Variants in ATP1B1 observed in about 807,000 individuals in gnomAD.
ATP1B1 encodes sodium/potassium-transporting ATPase subunit beta-1.
A neutral mutation model predicts 39.6 loss-of-function variants in ATP1B1; 3 were observed. That is an observed-to-expected ratio of 0.08 (90% confidence interval 0.03 to 0.20). The LOEUF (loss-of-function observed/expected upper bound fraction) is 0.20. Among genes scored for constraint, ATP1B1 ranks in the 10% least tolerant of loss-of-function variants. The probability of loss-of-function intolerance (pLI) is 1.00; values close to 1 mark genes in which losing one functional copy is unlikely to be tolerated. For synonymous variants in ATP1B1, 139 were observed against 135.0 expected (o/e 1.03, Z -0.20); for missense variants, 216 against 371.1 (o/e 0.58, Z 3.43).
Position 169,110,691 on chromosome 1 carries a change from A to T in ATP1B1, c.98-679A>T, listed in dbSNP as rs143933821. On this transcript the variant is annotated intron_variant, in intron 1 of 5. Coordinates refer to ENST00000367815, the MANE Select transcript of ATP1B1 (RefSeq NM_001677.4). ...ATTATTCTTGTTCCAGTTCCAGAAGATGGAATTAAAATGTGCTGGTCATTT... is the reference window on the plus strand; with the variant it reads ...ATTATTCTTGTTCCAGTTCCAGAAGTTGGAATTAAAATGTGCTGGTCATTT... The T allele has an allele frequency of 2.0e-4, 260 of 1,285,540 alleles. 1 individual carries two copies. The East Asian group carries it at 8.1e-3, about 40-fold the overall frequency. 79.6% of individuals were successfully genotyped at this position (1,285,540 alleles called of 1,614,324 possible).
Position 169,106,810 on chromosome 1 carries a change from G to A in ATP1B1, c.-20G>A. 1 of 1,565,460 alleles carries A rather than the reference G, an allele frequency of 6.4e-7. No homozygotes were observed. Among genetic ancestry groups the A allele is most frequent in the East Asian group, 2.6e-5 (1 of 39,098 alleles). ...GCCACCCACCCTCCGGACCGCGGCA[G>A]CTGCTGACCCGCCATCGCCATGGCC... On this transcript the variant is annotated 5_prime_UTR_variant, in exon 1 of 6. Transcript: ENST00000367815.
At chr1:169,116,584 C>G (rs1410155042) in intron 2 of ATP1B1, among the ~76,000 whole-genome samples, 3 of 152,158 alleles carry the variant, frequency 2.0e-5, no homozygotes, top group Non-Finnish European at 1.5e-5. Context: ...GGCGCAGTGG[C>G]TCATACCTGT....
rs1255481007 is a variant in ATP1B1 at position 169,106,887 on chromosome 1, GAGA to G, written c.64_66del (p.Lys22del). ...CTGGAAGAAATTCATCTGGAACTCA[GAGA>G]AGAAGGAGTTTCTGGGCAGGACCGG... is the stretch of plus-strand genomic sequence containing the variant. On this transcript the variant is annotated inframe_deletion, in exon 1 of 6. Transcript: ENST00000367815. The G allele has an allele frequency of 6.3e-7, 1 of 1,585,064 alleles. No individual in the cohort carries two copies. Among genetic ancestry groups the G allele is most frequent in the African/African-American group, 1.4e-5 (1 of 71,458 alleles).
intron 2 of ATP1B1, among the ~76,000 whole-genome samples, chr1:169,123,014 A>G (rs546993200): frequency 6.6e-6 from 1 of 152,264 alleles, no homozygotes; most frequent in East Asian, 1.9e-4. Flanking sequence ...GTGAAAAAGC[A>G]TATCTATACA....
At chr1:169,117,156 C>T (rs1004851371) in intron 2 of ATP1B1, among the ~76,000 whole-genome samples, 7 of 152,310 alleles carry the variant, frequency 4.6e-5, no homozygotes, top group Admixed American at 2.6e-4. Flanking sequence ...TCTCAGCTGA[C>T]GCGATGTATC....
At chr1:169,118,178 G>C (rs1657892252) in intron 2 of ATP1B1, among the ~76,000 whole-genome samples, 1 of 152,218 alleles carries the variant, frequency 6.6e-6, no homozygotes, top group Non-Finnish European at 1.5e-5. Flanking sequence ...CTGCTTGCCT[G>C]AAAGTGAATA....
At chr1:169,107,122 C>T (rs2101769686) in intron 1 of ATP1B1, among the ~76,000 whole-genome samples, 196 bp downstream of exon 1, 1 of 152,260 alleles carries the variant, frequency 6.6e-6, no homozygotes, top group South Asian at 2.1e-4. Flanking sequence ...CAGAGTGGGG[C>T]GCAGGGTCGG....
At chr1:169,115,729 A>AT (rs1657830974) in intron 2 of ATP1B1, among the ~76,000 whole-genome samples, 1 of 152,214 alleles carries the variant, frequency 6.6e-6, no homozygotes. Flanking sequence ...TATGACAGGG[A>AT]TGCTTTGCAC....
rs1488307675 is a variant in ATP1B1, at chr1:169,131,220, A to T, written c.649-72A>T. 1 of 1,415,582 alleles carries T rather than the reference A, an allele frequency of 7.1e-7. No homozygotes were observed. Among genetic ancestry groups the T allele is most frequent in the Non-Finnish European group, 9.4e-7 (1 of 1,067,554 alleles). The allele number at this position is 1,415,582 out of a possible 1,614,324, so 87.7% of individuals were successfully genotyped here. A position where few individuals can be genotyped will look rare whatever the true frequency, so the allele number is the denominator to read the frequency against. ...AGTTTGCAAACTACTGTGTAGATTG[A>T]GTCTTGTTTTTGAGTACACATAGTG... On this transcript the variant is annotated intron_variant, in intron 5 of 5. Coordinates refer to ENST00000367815, the MANE Select transcript of ATP1B1 (RefSeq NM_001677.4). The surrounding 1 kb of genome is among the most constrained non-coding windows in gnomAD (Gnocchi z 4.4).
intron 2 of ATP1B1, among the ~76,000 whole-genome samples, chr1:169,120,947 TTTC>T (rs1657968529): frequency 4.1e-5 from 5 of 123,330 alleles, no homozygotes; most frequent in Admixed American, 4.0e-4. Context: ...TTTCTTTTCT[TTTC>T]TTTTTTTTTT....
At chr1:169,128,022 G>A (rs1658124940) in intron 4 of ATP1B1, among the ~76,000 whole-genome samples, 1 of 152,072 alleles carries the variant, frequency 6.6e-6, no homozygotes, top group South Asian at 2.1e-4. Context: ...CATTACTCTG[G>A]ATCACTGAAA....
intron 1 of ATP1B1, among the ~76,000 whole-genome samples, chr1:169,109,741 A>G (rs1384135657): frequency 6.8e-6 from 1 of 146,208 alleles, no homozygotes; most frequent in Non-Finnish European, 1.5e-5. Context: ...GAAGGGGCAC[A>G]TGTAGGTAAG....
intron 2 of ATP1B1, among the ~76,000 whole-genome samples, chr1:169,119,570 G>A (rs1466349022): frequency 1.3e-5 from 2 of 152,190 alleles, no homozygotes; most frequent in African/African-American, 4.8e-5. Context: ...GGGAGAAAGC[G>A]TCTGGTCTAG....
Position 169,132,155 on chromosome 1 carries a change from T to C in ATP1B1, c.*600T>C, listed in dbSNP as rs1156313752. On this transcript the variant is annotated 3_prime_UTR_variant, in exon 6 of 6. Transcript: ENST00000367815. ...TTTATTTTTTTCCTGGGGGCTGGGG[T>C]GGGGGTTTGTCATGGGGGAACTGCC... 3.3e-6 allele frequency: 2 copies of C among 598,594 alleles called. No individual in the cohort carries two copies. Among genetic ancestry groups the C allele is most frequent in the East Asian group, 3.9e-5 (1 of 25,766 alleles). The allele number at this position is 598,594 out of a possible 1,614,324, so 37.1% of individuals were successfully genotyped here. A position where few individuals can be genotyped will look rare whatever the true frequency, so the allele number is the denominator to read the frequency against.
rs368625712 is a variant in ATP1B1 at position 169,115,497 on chromosome 1, C to T, written c.226+3999C>T. Among the ~76,000 whole-genome samples the T allele has an allele frequency of 4.5e-4, 69 of 151,664 alleles. No individual in the cohort carries two copies. The South Asian group carries it at 6.1e-3, about 13-fold the overall frequency. On this transcript the variant is annotated intron_variant, in intron 2 of 5. Coordinates refer to ENST00000367815, the MANE Select transcript of ATP1B1 (RefSeq NM_001677.4). ...CCGAGTAGCTGGGGCTACAGGTGCG[C>T]GCCACCATGCCCAGCTAATTTTTGT...
chr1:169,117,776 G>T (rs1657883175), intron 2 of ATP1B1, among the ~76,000 whole-genome samples: 1 of 152,236 alleles, frequency 6.6e-6, no homozygotes, highest in Admixed American at 6.5e-5. Flanking sequence ...CAGCTGGTCT[G>T]TCGGATGCAG....
intron 2 of ATP1B1, among the ~76,000 whole-genome samples, chr1:169,118,255 A>T (rs1026689713): frequency 1.3e-5 from 2 of 152,350 alleles, no homozygotes; most frequent in Admixed American, 1.3e-4. Flanking sequence ...CATTTAGCTT[A>T]GACAGGAGGA....
chr1:169,123,341 A>G (rs1658022124), intron 2 of ATP1B1, among the ~76,000 whole-genome samples: 1 of 151,622 alleles, frequency 6.6e-6, no homozygotes, highest in Non-Finnish European at 1.5e-5. Flanking sequence ...AGTCTCTGAG[A>G]CTGCATGTTT....
At chr1:169,117,702 T>C (rs115291078) in intron 2 of ATP1B1, among the ~76,000 whole-genome samples, 2 of 152,312 alleles carry the variant, frequency 1.3e-5, no homozygotes, top group South Asian at 4.1e-4. Context: ...TAAAATCTGA[T>C]GGGGTTATTG....
Sources: gnomAD v4.1 joint callset for allele counts (sites outside exome capture counted in the v4.1 genomes callset) on GRCh38, gnomAD v4.1.1 for gene constraint, Gnocchi (gnomAD v3.1) non-coding constraint, MANE v1.5 for transcripts, NCBI Gene and HGNC (gene_info 2026-07-23, HGNC 2026-07-21) for gene names.